The following SOX6 variants were observed in gnomAD, a reference collection of about 807,000 sequenced individuals.
The protein encoded by SOX6 is transcription factor SOX-6.
A neutral mutation model predicts 97.8 loss-of-function variants in SOX6; 11 were observed. The ratio of observed to expected loss-of-function variants is 0.11; its 90% CI spans 0.07 to 0.19. The LOEUF is 0.19. Among genes scored for constraint, SOX6 ranks in the 10% least tolerant of loss-of-function variants. SOX6 has a pLI of 1.00. For missense variants in SOX6, 810 were observed against 1,039.5 expected, an observed-to-expected ratio of 0.78 and a Z score of 3.04; for synonymous variants, 360 against 371.4, an observed-to-expected ratio of 0.97 and a Z score of 0.35.
At position 15,995,303 on chromosome 11, in the gene SOX6, T is replaced by C. The variant is rs78340207; in HGVS notation, c.1733-6073A>G. ...AGCAACTCCTTAGGAATAAATTCAA[T>C]ATGCCAGGACTAAGGATTTGCCCTA... On this transcript the variant is annotated intron_variant, in intron 13 of 15. Coordinates refer to ENST00000683767, the MANE Select transcript of SOX6 (RefSeq NM_001367873.1). 5.6e-3 allele frequency among the ~76,000 whole-genome samples: 859 copies of C among 152,250 alleles called. 11 individuals carry two copies. The highest frequency in any genetic ancestry group is 0.031 in the Admixed American group (468 of 15,282).
chr11:16,582,611 C>CA (rs949864840), intron 4 of SOX6, among the ~76,000 whole-genome samples: 14 of 146,018 alleles, frequency 9.6e-5, no homozygotes, highest in East Asian at 4.0e-4. Flanking sequence ...CAAAAGATCT[C>CA]AAAAAAAAAC....
At chr11:16,418,700 G>A (rs1858971335) in intron 1 of SOX6, among the ~76,000 whole-genome samples, 1 of 152,084 alleles carries the variant, frequency 6.6e-6, no homozygotes. Context: ...CAGGGAGTGG[G>A]AGGGGGGCCA....
intron 13 of SOX6, among the ~76,000 whole-genome samples, chr11:16,005,282 T>C (rs2133850309): frequency 6.6e-6 from 1 of 152,008 alleles, no homozygotes; most frequent in African/African-American, 2.4e-5. Flanking sequence ...TTCTCTACGA[T>C]ATAGACGAAA....
intron 3 of SOX6, among the ~76,000 whole-genome samples, chr11:16,660,395 T>C (rs1481970144): frequency 1.3e-5 from 2 of 152,240 alleles, no homozygotes; most frequent in South Asian, 2.1e-4. Context: ...TCCAAACATT[T>C]TGGAATTTTT....
At chr11:16,319,090 A>G (rs2134303033) in intron 2 of SOX6, among the ~76,000 whole-genome samples, 1 of 152,312 alleles carries the variant, frequency 6.6e-6, no homozygotes, top group South Asian at 2.1e-4. Flanking sequence ...GGAGTACATC[A>G]TAAAAAACAC....
intron 4 of SOX6, among the ~76,000 whole-genome samples, chr11:16,587,855 T>C (rs1160107800): frequency 6.6e-6 from 1 of 152,200 alleles, no homozygotes; most frequent in Non-Finnish European, 1.5e-5. Context: ...TGGCCACTGC[T>C]GCCAGTCCAG....
At chr11:16,367,336 A>G (rs79951393) in intron 1 of SOX6, among the ~76,000 whole-genome samples, 2,990 of 152,288 alleles carry the variant, frequency 0.02, 102 homozygotes, top group African/African-American at 0.066. Flanking sequence ...AGCAGAGGAA[A>G]GAACAATGTT....
chr11:16,114,301 T>C (rs1443510385), intron 6 of SOX6, among the ~76,000 whole-genome samples: 1 of 152,228 alleles, frequency 6.6e-6, no homozygotes, highest in Non-Finnish European at 1.5e-5. Flanking sequence ...CAAATCTATA[T>C]GCTGCTATTT....
chr11:16,076,735 ATTTTTTT>A lies in SOX6; in HGVS notation c.1101+19254_1101+19260del, dbSNP rs1156737950. Among the ~76,000 whole-genome samples, 19 of 94,154 alleles carry A rather than the reference ATTTTTTT, an allele frequency of 2.0e-4. No individual in the cohort carries two copies. In the East Asian group the frequency reaches 7.3e-3, roughly 36 times the overall value. 61.8% of individuals were successfully genotyped at this position (94,154 alleles called of 152,430 possible). A position where few individuals can be genotyped will look rare whatever the true frequency, so the allele number is the denominator to read the frequency against. ...GAGAGAGAAGGGGGAGGTACTACACATTTTTTTTTTTTTTTTTTTTTTTTTTTTTGAG... is the reference window on the plus strand; with the variant it reads ...GAGAGAGAAGGGGGAGGTACTACACATTTTTTTTTTTTTTTTTTTTTTGAG... On this transcript the variant is annotated intron_variant, in intron 9 of 15. Transcript: ENST00000683767.
At chr11:16,445,897 A>G (rs1859601912) in intron 1 of SOX6, among the ~76,000 whole-genome samples, 1 of 152,132 alleles carries the variant, frequency 6.6e-6, no homozygotes, top group Non-Finnish European at 1.5e-5. Context: ...GTTTTTCTCT[A>G]ATGGTCATAC....
chr11:16,662,058 A>G (rs753957758), intron 3 of SOX6, among the ~76,000 whole-genome samples: 1 of 152,236 alleles, frequency 6.6e-6, no homozygotes, highest in Non-Finnish European at 1.5e-5. Flanking sequence ...ATCTAAAAAT[A>G]AGAAAAATAA....
chr11:16,080,553 AT>A (rs11300972), intron 9 of SOX6, among the ~76,000 whole-genome samples: 16,059 of 152,166 alleles, frequency 0.11, 1,737 homozygotes, highest in East Asian at 0.37. Flanking sequence ...TTAAAGGTAC[AT>A]TCTTCTTTAA....
At chr11:16,265,625 C>T (rs1271450600) in intron 3 of SOX6, among the ~76,000 whole-genome samples, 2 of 151,700 alleles carry the variant, frequency 1.3e-5, no homozygotes, top group African/African-American at 2.4e-5. Context: ...TGAAACTGAA[C>T]TAACGATGAC....
chr11:16,034,695 C>T (rs988515664), intron 12 of SOX6, among the ~76,000 whole-genome samples: 2 of 152,134 alleles, frequency 1.3e-5, no homozygotes, highest in South Asian at 2.1e-4. Context: ...AACACATACA[C>T]GAAGACTTAT....
intron 2 of SOX6, among the ~76,000 whole-genome samples, chr11:16,720,011 C>T (rs1191299688): frequency 6.6e-6 from 1 of 152,134 alleles, no homozygotes; most frequent in Non-Finnish European, 1.5e-5. Flanking sequence ...TATCAAAAAG[C>T]TTATCCACCA....
chr11:16,507,226 G>T (rs1254831467), intron 4 of SOX6, among the ~76,000 whole-genome samples: 1 of 152,054 alleles, frequency 6.6e-6, no homozygotes, highest in Non-Finnish European at 1.5e-5. Context: ...GCAGAAGCCT[G>T]TATAGCCTGC....
intron 3 of SOX6, among the ~76,000 whole-genome samples, chr11:16,689,600 C>T (rs1847997110): frequency 2.0e-5 from 3 of 152,102 alleles, no homozygotes; most frequent in Admixed American, 1.3e-4. Context: ...TTTTAGTAGT[C>T]CTAGCAGCAT....
At chr11:16,622,780 C>T (rs929363547) in intron 3 of SOX6, among the ~76,000 whole-genome samples, 5 of 152,128 alleles carry the variant, frequency 3.3e-5, no homozygotes, top group Non-Finnish European at 7.3e-5. Flanking sequence ...TGGATAGATA[C>T]CCAGCAGTGA....
rs547728160 is a variant in SOX6 at position 16,288,635 on chromosome 11, A to G, written c.445+29811T>C. On this transcript the variant is annotated intron_variant, in intron 3 of 15. Transcript: ENST00000683767. Reference sequence around the variant, plus strand: ...TAAATATTCTAACATTTATGGGGACATGCTATTAATATATATAAGCCTATG... The same window carrying G: ...TAAATATTCTAACATTTATGGGGACGTGCTATTAATATATATAAGCCTATG... Among the ~76,000 whole-genome samples the G allele has an allele frequency of 3.3e-5, 5 of 152,148 alleles. No individual in the cohort carries two copies. In the East Asian group the frequency reaches 9.6e-4, roughly 29 times the overall value.
Sources: allele counts gnomAD v4.1 joint callset (sites outside exome capture counted in the v4.1 genomes callset), GRCh38; gene constraint gnomAD v4.1.1; transcripts MANE v1.5; gene names NCBI Gene and HGNC (gene_info 2026-07-23, HGNC 2026-07-21).